Variants in STARD13 observed in about 807,000 individuals in gnomAD.
STARD13 encodes the protein StAR related lipid transfer domain containing 13, also known as stAR-related lipid transfer protein 13.
In STARD13, 62 loss-of-function variants were observed where a neutral mutation model predicts 106.4. The observed-to-expected ratio is 0.58, with a 90% CI of 0.48 to 0.72. STARD13 has a LOEUF of 0.72. Ranked by LOEUF, STARD13 falls within the 30% of genes least tolerant of loss-of-function variation. STARD13 has a pLI of 0.00. For missense variants in STARD13, 1,387 were observed against 1,424.0 expected (o/e 0.97, Z 0.42); for synonymous variants, 565 against 553.0 (o/e 1.02, Z -0.31).
chr13:33,492,919 C>T, the STARD13 span, among the ~76,000 whole-genome samples: 146 of 152,234 alleles, frequency 9.6e-4, 1 homozygote, highest in African/African-American at 3.4e-3. Flanking sequence ...CTCTTTTTAA[C>T]GAGAAAGCTG....
rs764692458 is a variant in STARD13, at chr13:33,142,469, G to C, written c.324-96C>G. 6.3e-6 allele frequency: 7 copies of C among 1,107,192 alleles called. No individual in the cohort carries two copies. The Admixed American group carries it at 8.8e-5, about 14-fold the overall frequency. 68.6% of individuals were successfully genotyped at this position (1,107,192 alleles called of 1,614,324 possible). A position where few individuals can be genotyped will look rare whatever the true frequency, so the allele number is the denominator to read the frequency against. On this transcript the variant is annotated intron_variant, in intron 3 of 13. Transcript: ENST00000336934. ...CTTTATTTCCAGTAAAGTTGAAACT[G>C]CAGGAACAACCAATTATGTCCCAAG...
chr13:33,472,073 A>G, the STARD13 span, among the ~76,000 whole-genome samples: 2 of 152,078 alleles, frequency 1.3e-5, no homozygotes, highest in Non-Finnish European at 1.5e-5. Flanking sequence ...TTTTCTATGT[A>G]TGATCTGCTC....
At chr13:33,276,337 G>C (rs568483877) in intron 1 of STARD13, 1 of 152,168 alleles carries the variant, frequency 6.6e-6, no homozygotes, top group East Asian at 1.9e-4. Flanking sequence ...TTTGAGAAAT[G>C]CATGTAGTGG....
At chr13:33,311,565 C>G (rs773148113) in intron 1 of STARD13, among the ~76,000 whole-genome samples, 6 of 152,168 alleles carry the variant, frequency 3.9e-5, no homozygotes, top group Non-Finnish European at 4.4e-5. Flanking sequence ...TTACCTTATA[C>G]CATGATTTTG....
intron 1 of STARD13, among the ~76,000 whole-genome samples, chr13:33,178,589 G>C (rs1884937851): frequency 6.6e-6 from 1 of 152,086 alleles, no homozygotes. Context: ...GATGCTACAG[G>C]GATATCTTAA....
chr13:33,141,512 TG>T (rs1306792755), intron 4 of STARD13, among the ~76,000 whole-genome samples: 2 of 152,224 alleles, frequency 1.3e-5, no homozygotes, highest in Non-Finnish European at 2.9e-5. Context: ...AGTCCTGTGA[TG>T]GGGAGGGAGC....
the STARD13 span, among the ~76,000 whole-genome samples, chr13:33,545,295 C>T: frequency 6.6e-6 from 1 of 151,888 alleles, no homozygotes; most frequent in Non-Finnish European, 1.5e-5. Flanking sequence ...CGGGGTTTCA[C>T]CGTGTTAGCC....
chr13:33,355,874 C>T, the STARD13 span, among the ~76,000 whole-genome samples: 8 of 152,244 alleles, frequency 5.3e-5, no homozygotes, highest in African/African-American at 1.2e-4. Flanking sequence ...GATTGCTTTT[C>T]GGGTTTTGTT....
chr13:33,500,899 C>G, the STARD13 span, among the ~76,000 whole-genome samples: 1 of 151,482 alleles, frequency 6.6e-6, no homozygotes, highest in East Asian at 1.9e-4. Flanking sequence ...TGGAGATAAC[C>G]AACTTGTATT....
chr13:33,110,216 A>C (rs1874332548), intron 11 of STARD13, 126 bp from the exon 12 acceptor site: 1 of 748,790 alleles, frequency 1.3e-6, no homozygotes, highest in Admixed American at 2.3e-5. Flanking sequence ...TGATTATGTA[A>C]ATTGAGAGTG....
the STARD13 span, among the ~76,000 whole-genome samples, chr13:33,407,484 C>G: frequency 6.6e-6 from 1 of 152,222 alleles, no homozygotes; most frequent in South Asian, 2.1e-4. Flanking sequence ...TTTTATTTTG[C>G]CATTTCTTCC....
chr13:33,394,430 A>G, the STARD13 span, among the ~76,000 whole-genome samples: 2 of 152,216 alleles, frequency 1.3e-5, no homozygotes, highest in South Asian at 4.1e-4. Context: ...TGTGGCTATC[A>G]TATTTGACAG....
At chr13:33,551,846 C>T in the STARD13 span, among the ~76,000 whole-genome samples, 1 of 151,898 alleles carries the variant, frequency 6.6e-6, no homozygotes, top group African/African-American at 2.4e-5. Context: ...GATCCACTCA[C>T]CTTGGCCTCC....
chr13:33,533,769 G>C, the STARD13 span, among the ~76,000 whole-genome samples: 1 of 152,132 alleles, frequency 6.6e-6, no homozygotes, highest in Non-Finnish European at 1.5e-5. Context: ...CTCTTCCATG[G>C]AGACTTCCCC....
the STARD13 span, among the ~76,000 whole-genome samples, chr13:33,614,270 C>CGTGT: frequency 0.022 from 3,235 of 145,238 alleles, 86 homozygotes; most frequent in African/African-American, 0.053. Context: ...ATACATTCTC[C>CGTGT]GTGTGTGTGT....
At chr13:33,486,352 T>C in the STARD13 span, among the ~76,000 whole-genome samples, 1 of 152,156 alleles carries the variant, frequency 6.6e-6, no homozygotes, top group Non-Finnish European at 1.5e-5. Context: ...ATGCCCGAAA[T>C]TGTGCATAGT....
At chr13:33,299,402 A>G (rs987755052) in intron 1 of STARD13, among the ~76,000 whole-genome samples, 8 of 152,220 alleles carry the variant, frequency 5.3e-5, no homozygotes, top group Non-Finnish European at 7.3e-5. Flanking sequence ...TTTTATCCAA[A>G]CACTTCCTAA....
intron 1 of STARD13, among the ~76,000 whole-genome samples, chr13:33,185,215 G>A (rs1594069017): frequency 2.0e-5 from 3 of 152,292 alleles, no homozygotes; most frequent in Admixed American, 2.0e-4. Context: ...AAAGAACTGA[G>A]ACACACGCAC....
At chr13:33,659,030 C>T in the STARD13 span, among the ~76,000 whole-genome samples, 1 of 152,050 alleles carries the variant, frequency 6.6e-6, no homozygotes, top group Non-Finnish European at 1.5e-5. Flanking sequence ...GCTCTTTGCC[C>T]CCTTCCTCAT....
Sources: gnomAD v4.1 joint callset for allele counts (sites outside exome capture counted in the v4.1 genomes callset) on GRCh38, gnomAD v4.1.1 for gene constraint, MANE v1.5 for transcripts, NCBI Gene and HGNC (gene_info 2026-07-23, HGNC 2026-07-21) for gene names.